Variants in GRIA4 observed in about 807,000 individuals in gnomAD.
GRIA4 encodes glutamate ionotropic receptor AMPA type subunit 4.
A neutral mutation model predicts 104.0 loss-of-function variants in GRIA4; 34 were observed. That is an observed-to-expected ratio of 0.33 (90% CI 0.25 to 0.44). The LOEUF (loss-of-function observed/expected upper bound fraction) is 0.44, where lower values mean the gene tolerates loss of function less well. Among genes scored for constraint, GRIA4 ranks in the 20% least tolerant of loss-of-function variants. The probability of loss-of-function intolerance (pLI) is 1.00; values close to 1 mark genes in which losing one functional copy is unlikely to be tolerated. For missense variants in GRIA4, 750 were observed against 1,096.5 expected, an observed-to-expected ratio of 0.68 and a Z score of 4.46; for synonymous variants, 386 against 381.9, an observed-to-expected ratio of 1.01 and a Z score of -0.13.
At chr11:105,810,288 T>C (rs1307822513) in intron 4 of GRIA4, among the ~76,000 whole-genome samples, 1 of 152,214 alleles carries the variant, frequency 6.6e-6, no homozygotes, top group African/African-American at 2.4e-5. Context: ...ATCACTTAAC[T>C]TAGTTTTAGC....
chr11:105,936,535 G>A (rs1403037084), intron 14 of GRIA4, among the ~76,000 whole-genome samples: 1 of 152,166 alleles, frequency 6.6e-6, no homozygotes, highest in African/African-American at 2.4e-5. Flanking sequence ...TTAAGCAAAA[G>A]AAAACAGTAA....
At chr11:105,950,753 C>G (rs1445291663) in intron 14 of GRIA4, among the ~76,000 whole-genome samples, 1 of 152,234 alleles carries the variant, frequency 6.6e-6, no homozygotes, top group Middle Eastern at 3.4e-3. Flanking sequence ...CCTGAGAGAA[C>G]TGAAATTGCC....
At chr11:105,906,239 T>A (rs1261272895) in intron 9 of GRIA4, among the ~76,000 whole-genome samples, 1 of 152,218 alleles carries the variant, frequency 6.6e-6, no homozygotes, top group Non-Finnish European at 1.5e-5. Flanking sequence ...TTTCTCTTTT[T>A]TTCAAATGAG....
intron 3 of GRIA4, among the ~76,000 whole-genome samples, chr11:105,687,209 C>G (rs1483919866): frequency 6.6e-6 from 1 of 152,140 alleles, no homozygotes; most frequent in Non-Finnish European, 1.5e-5. Context: ...AGAAGTCAAT[C>G]TATAAGAATT....
At chr11:105,900,652 T>C (rs1422883163) in intron 7 of GRIA4, among the ~76,000 whole-genome samples, 1 of 152,206 alleles carries the variant, frequency 6.6e-6, no homozygotes, top group Non-Finnish European at 1.5e-5. Flanking sequence ...AGTGTCGCGA[T>C]CTCGCCCCTC....
chr11:105,670,605 T>C (rs954848748), intron 3 of GRIA4, among the ~76,000 whole-genome samples: 7 of 152,162 alleles, frequency 4.6e-5, no homozygotes, highest in Admixed American at 6.6e-5. Flanking sequence ...CCTGGGTATA[T>C]TGCATGCATA....
chr11:105,941,577 G>A (rs1007952540), intron 14 of GRIA4, among the ~76,000 whole-genome samples: 5 of 151,866 alleles, frequency 3.3e-5, no homozygotes, highest in South Asian at 2.1e-4. Flanking sequence ...TAATTCTGGT[G>A]TACTCAATGA....
intron 4 of GRIA4, among the ~76,000 whole-genome samples, chr11:105,844,717 AGT>A (rs1944520155): frequency 6.6e-6 from 1 of 152,204 alleles, no homozygotes; most frequent in Admixed American, 6.5e-5. Context: ...TACCATCATT[AGT>A]GCTATCCAGA....
chr11:105,621,542 T>A (rs1950745401), intron 3 of GRIA4, among the ~76,000 whole-genome samples: 1 of 151,772 alleles, frequency 6.6e-6, no homozygotes, highest in Non-Finnish European at 1.5e-5. Flanking sequence ...CTTTTGGTAT[T>A]TAAGAACTGC....
intron 3 of GRIA4, among the ~76,000 whole-genome samples, chr11:105,736,737 T>C (rs1171568912): frequency 6.6e-6 from 1 of 152,136 alleles, no homozygotes; most frequent in African/African-American, 2.4e-5. Flanking sequence ...CTATAAAGTC[T>C]GACCTTTTGG....
chr11:105,779,650 C>CA (rs891397873), intron 4 of GRIA4, among the ~76,000 whole-genome samples: 6 of 149,918 alleles, frequency 4.0e-5, no homozygotes, highest in Admixed American at 6.6e-5. Context: ...AAAAAAACAA[C>CA]AAAAAAAACT....
chr11:105,978,109 A>T (rs569215253), intron 16 of GRIA4, among the ~76,000 whole-genome samples: 1 of 152,162 alleles, frequency 6.6e-6, no homozygotes, highest in East Asian at 1.9e-4. Context: ...ATTATGAATA[A>T]TTTTAGTATA....
At chr11:105,856,463 T>C (rs918202370) in intron 4 of GRIA4, among the ~76,000 whole-genome samples, 1 of 152,102 alleles carries the variant, frequency 6.6e-6, no homozygotes, top group Non-Finnish European at 1.5e-5. Flanking sequence ...TGACCTGCTA[T>C]GCAAGATAAA....
At chr11:105,763,959 G>A (rs117587509) in intron 4 of GRIA4, among the ~76,000 whole-genome samples, 2,275 of 152,198 alleles carry the variant, frequency 0.015, 19 homozygotes, top group Non-Finnish European at 0.024. Context: ...AAAAAGATTT[G>A]AACTATGACT....
At chr11:105,817,874 G>A (rs1191570295) in intron 4 of GRIA4, among the ~76,000 whole-genome samples, 1 of 151,956 alleles carries the variant, frequency 6.6e-6, no homozygotes, top group Non-Finnish European at 1.5e-5. Context: ...ACAGCCAAAG[G>A]ACATGCATCA....
At chr11:105,882,666 C>T (rs1407369524) in intron 5 of GRIA4, among the ~76,000 whole-genome samples, 2 of 152,142 alleles carry the variant, frequency 1.3e-5, no homozygotes, top group Non-Finnish European at 2.9e-5. Flanking sequence ...CCTTATTCTG[C>T]TCTGTATTTT....
chr11:105,949,479 A>C lies in GRIA4; in HGVS notation c.2294+15510A>C, dbSNP rs183490607. ...AAGAGTATAAAGTACCCTAAAACAC[A>C]GTTGTTACCCTCCAAGAGAAAGAAA... is the stretch of plus-strand genomic sequence containing the variant. On this transcript the variant is annotated intron_variant, in intron 14 of 16. Coordinates refer to ENST00000282499, the MANE Select transcript of GRIA4 (RefSeq NM_000829.4). Among the ~76,000 whole-genome samples the C allele has an allele frequency of 4.6e-5, 7 of 152,336 alleles. No individual in the cohort carries two copies. In the East Asian group the frequency reaches 1.3e-3, roughly 29 times the overall value.
At chr11:105,617,187 T>C (rs1367477102) in intron 3 of GRIA4, among the ~76,000 whole-genome samples, 1 of 150,124 alleles carries the variant, frequency 6.7e-6, no homozygotes, top group Non-Finnish European at 1.5e-5. Flanking sequence ...AAATGAAGGA[T>C]AAATAATAAT....
chr11:105,897,248 G>C (rs1278721395), intron 6 of GRIA4, among the ~76,000 whole-genome samples: 4 of 151,958 alleles, frequency 2.6e-5, no homozygotes, highest in Non-Finnish European at 5.9e-5. Flanking sequence ...AACTGATTTG[G>C]GGGCATTGAT....
Sources: gnomAD v4.1 joint callset for allele counts (sites outside exome capture counted in the v4.1 genomes callset) on GRCh38, gnomAD v4.1.1 for gene constraint, MANE v1.5 for transcripts, NCBI Gene and HGNC (gene_info 2026-07-23, HGNC 2026-07-21) for gene names.